Variants in AGPAT5 observed in about 807,000 individuals in gnomAD.
AGPAT5 encodes the protein 1-acyl-sn-glycerol-3-phosphate acyltransferase epsilon.
Under a neutral mutation model 45.6 loss-of-function variants are expected in AGPAT5, and 46 were observed. The observed-to-expected ratio is 1.01, with a 90% CI of 0.80 to 1.29. The LOEUF (loss-of-function observed/expected upper bound fraction) is 1.29. Ranked by LOEUF, AGPAT5 falls within the 50% of genes most tolerant of loss-of-function variation. The pLI, the probability that AGPAT5 is intolerant of heterozygous loss-of-function variation, is 0.00. For missense variants in AGPAT5, 673 were observed against 450.7 expected, an observed-to-expected ratio of 1.49 and a Z score of -4.47; for synonymous variants, 272 against 167.0, an observed-to-expected ratio of 1.63 and a Z score of -4.85.
intron 4 of AGPAT5, among the ~76,000 whole-genome samples, chr8:6,739,079 A>T (rs954270468): frequency 1.3e-5 from 2 of 152,148 alleles, no homozygotes; most frequent in Non-Finnish European, 2.9e-5. Flanking sequence ...TGTTTGAAAT[A>T]AGTAGACTGA....
At chr8:6,710,378 A>C (rs116641747) in intron 1 of AGPAT5, among the ~76,000 whole-genome samples, 180 of 152,310 alleles carry the variant, frequency 1.2e-3, no homozygotes, top group Middle Eastern at 6.8e-3. Context: ...CGTCTGTTCA[A>C]ATCAAAGGAA....
intron 7 of AGPAT5, 94 bp downstream of exon 7, chr8:6,755,268 T>C (rs974775923): frequency 2.3e-6 from 3 of 1,280,288 alleles, no homozygotes; most frequent in Non-Finnish European, 3.2e-6. Context: ...GGTTATATTG[T>C]CTCAAGAATA....
intron 1 of AGPAT5, among the ~76,000 whole-genome samples, chr8:6,722,865 TA>T (rs202192791): frequency 0.02 from 3,003 of 152,264 alleles, 83 homozygotes; most frequent in African/African-American, 0.064. Context: ...GATGAGTTCT[TA>T]AAAAGTGGAT....
chr8:6,734,932 G>A (rs779778197), intron 4 of AGPAT5, among the ~76,000 whole-genome samples: 1 of 152,076 alleles, frequency 6.6e-6, no homozygotes, highest in African/African-American at 2.4e-5. Context: ...CACACTCAGC[G>A]TTTTCACATA....
rs114033262 is a variant in AGPAT5 at position 6,727,958 on chromosome 8, C to T, written c.290-2753C>T. On this transcript the variant is annotated intron_variant, in intron 2 of 7. Coordinates refer to ENST00000285518, the MANE Select transcript of AGPAT5 (RefSeq NM_018361.5). ...AGAGGCTGTCTCCTAATCCTGGTAGCGTACCTGGCTCATAGATGGCATTTA... is the reference window on the plus strand; with the variant it reads ...AGAGGCTGTCTCCTAATCCTGGTAGTGTACCTGGCTCATAGATGGCATTTA... Among the ~76,000 whole-genome samples, 1,290 of 152,282 alleles carry T rather than the reference C, an allele frequency of 8.5e-3. 17 individuals are homozygous for T. The highest frequency in any genetic ancestry group is 0.029 in the African/African-American group (1,225 of 41,532).
chr8:6,729,523 A>G (rs1201410167), intron 2 of AGPAT5, among the ~76,000 whole-genome samples: 1 of 151,818 alleles, frequency 6.6e-6, no homozygotes, highest in Non-Finnish European at 1.5e-5. Flanking sequence ...TTTCATTTTT[A>G]TGTTTTCTTT....
intron 4 of AGPAT5, among the ~76,000 whole-genome samples, chr8:6,736,291 A>C (rs1308760522): frequency 6.6e-6 from 1 of 152,218 alleles, no homozygotes; most frequent in Non-Finnish European, 1.5e-5. Flanking sequence ...GTTTTCCACT[A>C]ATGTCCTTTT....
chr8:6,710,323 C>T (rs1406950108), intron 1 of AGPAT5, among the ~76,000 whole-genome samples: 1 of 152,088 alleles, frequency 6.6e-6, no homozygotes, highest in Non-Finnish European at 1.5e-5. Context: ...TCTTGATTTC[C>T]CAGCAAGTGA....
intron 7 of AGPAT5, among the ~76,000 whole-genome samples, chr8:6,755,885 G>A (rs991771493): frequency 3.9e-5 from 6 of 152,146 alleles, no homozygotes; most frequent in Non-Finnish European, 7.3e-5. Flanking sequence ...AACTGTACAT[G>A]ATGTAATGTA....
chr8:6,737,806 T>C (rs1046021258), intron 4 of AGPAT5, among the ~76,000 whole-genome samples: 2 of 152,204 alleles, frequency 1.3e-5, no homozygotes, highest in African/African-American at 4.8e-5. Flanking sequence ...TTGCTATAGC[T>C]TATACATCAG....
At chr8:6,709,232 G>T (rs1482469099) in intron 1 of AGPAT5, 3 of 366,732 alleles carry the variant, frequency 8.2e-6, no homozygotes, top group South Asian at 2.3e-5. Flanking sequence ...GTCCAAAGAG[G>T]TGGTCATGTT....
At chr8:6,709,919 C>T (rs1031603411) in intron 1 of AGPAT5, among the ~76,000 whole-genome samples, 1 of 152,158 alleles carries the variant, frequency 6.6e-6, no homozygotes, top group Non-Finnish European at 1.5e-5. Context: ...AGATACTGTT[C>T]CAGGTCATGG....
intron 6 of AGPAT5, among the ~76,000 whole-genome samples, chr8:6,753,722 G>T (rs1401374184): frequency 6.6e-6 from 1 of 152,192 alleles, no homozygotes. Flanking sequence ...GCAGTTCTTT[G>T]ATTATTCAGA....
chr8:6,734,838 C>T (rs955750211), intron 4 of AGPAT5, among the ~76,000 whole-genome samples: 1 of 152,074 alleles, frequency 6.6e-6, no homozygotes, highest in African/African-American at 2.4e-5. Flanking sequence ...CTTTTTCTCA[C>T]AGCTTCAGGT....
At chr8:6,753,331 G>A (rs1003582287) in intron 6 of AGPAT5, among the ~76,000 whole-genome samples, 5 of 152,130 alleles carry the variant, frequency 3.3e-5, no homozygotes, top group African/African-American at 1.2e-4. Flanking sequence ...TTGAAATACC[G>A]GGTATCTGCA....
At chr8:6,746,253 C>T (rs1801459452) in intron 5 of AGPAT5, 1 of 152,228 alleles carries the variant, frequency 6.6e-6, no homozygotes, top group South Asian at 2.1e-4. Context: ...TGGGTGCACG[C>T]AGGCATGCTC....
chr8:6,757,184 G>C lies in AGPAT5; in HGVS notation c.891G>C (p.Glu297Asp), dbSNP rs760735685. Residue 297 changes from glutamate (E) to aspartate (D), a missense_variant, in exon 8 of 8, where the codon GAG becomes GAC. Glu to Asp is a conservative substitution (Grantham distance 45). Coordinates refer to ENST00000285518, the MANE Select transcript of AGPAT5 (RefSeq NM_018361.5). ...ATAGGATGCTTATAGAATTTTATGAGTCACCAGATCCAGAAAGAAGAAAAA... is the reference window on the plus strand; with the variant it reads ...ATAGGATGCTTATAGAATTTTATGACTCACCAGATCCAGAAAGAAGAAAAA... ...IKDKMLIEFY[E>D]SPDPERRKRF... is the part of the protein sequence containing the mutation. The C allele has an allele frequency of 3.7e-6, 6 of 1,613,708 alleles. No homozygotes were observed. Among genetic ancestry groups the C allele is most frequent in the Non-Finnish European group, 4.2e-6 (5 of 1,179,940 alleles).
chr8:6,726,101 A>G (rs1479451497), intron 2 of AGPAT5, among the ~76,000 whole-genome samples: 2 of 152,206 alleles, frequency 1.3e-5, no homozygotes, highest in Non-Finnish European at 2.9e-5. Flanking sequence ...GGTTCAGACT[A>G]TTTTATCTAA....
At chr8:6,752,649 G>C (rs1174097310) in intron 6 of AGPAT5, among the ~76,000 whole-genome samples, 2 of 152,130 alleles carry the variant, frequency 1.3e-5, no homozygotes, top group South Asian at 4.2e-4. Flanking sequence ...AAGTGTATCA[G>C]TATACTTTAG....
Sources: gnomAD v4.1 joint callset for allele counts (sites outside exome capture counted in the v4.1 genomes callset) on GRCh38, gnomAD v4.1.1 for gene constraint, MANE v1.5 for transcripts, NCBI Gene and HGNC (gene_info 2026-07-23, HGNC 2026-07-21) for gene names.